Variants in SGCD observed in about 807,000 individuals in gnomAD.
SGCD encodes delta-sarcoglycan.
SGCD carries 18 observed loss-of-function variants against 36.6 expected under a neutral mutation model. The ratio of observed to expected loss-of-function variants is 0.49; its 90% confidence interval spans 0.34 to 0.73. The LOEUF (loss-of-function observed/expected upper bound fraction) is 0.73, where lower values mean the gene tolerates loss of function less well. Ranked by LOEUF, SGCD falls within the 30% of genes least tolerant of loss-of-function variation. SGCD has a pLI of 0.01. For missense variants in SGCD, 387 were observed against 346.7 expected (o/e 1.12, Z -0.92); for synonymous variants, 133 against 130.6 (o/e 1.02, Z -0.12).
At chr5:156,316,355 A>G (rs1767517763) in intron 3 of SGCD, among the ~76,000 whole-genome samples, 1 of 152,062 alleles carries the variant, frequency 6.6e-6, no homozygotes, top group Non-Finnish European at 1.5e-5. Context: ...AATTGGAAGA[A>G]TTAATATTGT....
chr5:156,461,972 T>G (rs1400567766), intron 3 of SGCD, among the ~76,000 whole-genome samples: 3 of 152,170 alleles, frequency 2.0e-5, no homozygotes, highest in Non-Finnish European at 4.4e-5. Context: ...TATTAGAGAT[T>G]TAGGCCAGAG....
chr5:155,949,719 C>T (rs528790288), intron 1 of SGCD, among the ~76,000 whole-genome samples: 35 of 152,230 alleles, frequency 2.3e-4, no homozygotes, highest in African/African-American at 7.7e-4. Flanking sequence ...TACTTGTTTT[C>T]GTATTGTCTA....
chr5:155,969,832 C>T (rs1757974602), intron 1 of SGCD, among the ~76,000 whole-genome samples: 1 of 152,094 alleles, frequency 6.6e-6, no homozygotes, highest in Non-Finnish European at 1.5e-5. Context: ...CACTGTCATC[C>T]ATGGTCCCCA....
At chr5:155,883,258 T>C (rs1755928488) in intron 1 of SGCD, among the ~76,000 whole-genome samples, 1 of 152,246 alleles carries the variant, frequency 6.6e-6, no homozygotes, top group African/African-American at 2.4e-5. Context: ...CATTCATGTG[T>C]TCACTGGAGG....
chr5:156,153,592 C>A (rs944079088), intron 3 of SGCD, among the ~76,000 whole-genome samples: 10 of 151,572 alleles, frequency 6.6e-5, no homozygotes, highest in African/African-American at 2.4e-4. Context: ...CTTATTTTGG[C>A]TGATAGTCTC....
At chr5:156,151,832 C>CA (rs1762842624) in intron 3 of SGCD, among the ~76,000 whole-genome samples, 1 of 149,426 alleles carries the variant, frequency 6.7e-6, no homozygotes, top group Non-Finnish European at 1.5e-5. Flanking sequence ...TCTTCTTCTT[C>CA]TTTTTTTTTT....
intron 4 of SGCD, among the ~76,000 whole-genome samples, chr5:156,513,509 T>C (rs146615862): frequency 6.6e-6 from 1 of 152,336 alleles, no homozygotes; most frequent in East Asian, 1.9e-4. Context: ...TTTTATGGGG[T>C]ATCACCTTCT....
intron 3 of SGCD, among the ~76,000 whole-genome samples, chr5:156,211,589 C>T (rs1452100257): frequency 7.4e-6 from 1 of 135,204 alleles, no homozygotes; most frequent in Non-Finnish European, 1.5e-5. Context: ...GCCTGGGCGA[C>T]AGAGCGAGAC....
chr5:156,750,700 A>G (rs888351082), intron 7 of SGCD, among the ~76,000 whole-genome samples: 1 of 152,118 alleles, frequency 6.6e-6, no homozygotes, highest in Admixed American at 6.6e-5. Flanking sequence ...CATAATTTAT[A>G]GTTGCAATGA....
intron 4 of SGCD, among the ~76,000 whole-genome samples, chr5:156,544,918 G>A (rs1052417401): frequency 2.6e-5 from 4 of 152,170 alleles, no homozygotes; most frequent in African/African-American, 9.7e-5. Context: ...CTTGCCTAAG[G>A]TTCCATAGCT....
intron 3 of SGCD, among the ~76,000 whole-genome samples, chr5:156,193,964 A>G (rs577534762): frequency 6.6e-6 from 1 of 152,332 alleles, no homozygotes; most frequent in East Asian, 1.9e-4. Context: ...AAGACCAGAG[A>G]TACTTTCAAT....
intron 7 of SGCD, among the ~76,000 whole-genome samples, chr5:156,737,051 C>T (rs182032596): frequency 6.6e-6 from 1 of 152,136 alleles, no homozygotes. Context: ...ATGGCTGGAC[C>T]AAAGATAGAA....
intron 3 of SGCD, among the ~76,000 whole-genome samples, chr5:156,213,664 G>T (rs953358131): frequency 1.1e-4 from 16 of 151,944 alleles, no homozygotes; most frequent in Non-Finnish European, 1.6e-4. Flanking sequence ...CCACTGTAAG[G>T]AAAATTTAAA....
At chr5:155,770,671 CT>C in the SGCD span, among the ~76,000 whole-genome samples, 5 of 152,224 alleles carry the variant, frequency 3.3e-5, no homozygotes, top group South Asian at 6.2e-4. Context: ...TGCTTTCCCC[CT>C]AGCACCTGTC....
chr5:155,949,068 A>G (rs1414635822), intron 1 of SGCD, among the ~76,000 whole-genome samples: 1 of 152,208 alleles, frequency 6.6e-6, no homozygotes, highest in Non-Finnish European at 1.5e-5. Context: ...TCAAAGAAAC[A>G]AAACACTCCT....
At chr5:156,497,623 T>TTCTC (rs375678272) in intron 3 of SGCD, among the ~76,000 whole-genome samples, 70 of 146,390 alleles carry the variant, frequency 4.8e-4, no homozygotes, top group Admixed American at 1.0e-3. Flanking sequence ...TGCGCGTGCT[T>TTCTC]TCTCTCTCTC....
chr5:156,590,435 G>A (rs537114747), intron 5 of SGCD, among the ~76,000 whole-genome samples: 1 of 152,120 alleles, frequency 6.6e-6, no homozygotes, highest in African/African-American at 2.4e-5. Flanking sequence ...TAAACATGTT[G>A]TTTCAGCGTG....
intron 1 of SGCD, among the ~76,000 whole-genome samples, chr5:156,069,026 C>G (rs929589164): frequency 1.3e-5 from 2 of 152,004 alleles, no homozygotes; most frequent in African/African-American, 2.4e-5. Context: ...GATATTAGCC[C>G]TTTGTCAGAT....
At chr5:156,564,702 A>G (rs986405442) in intron 4 of SGCD, among the ~76,000 whole-genome samples, 20 of 152,042 alleles carry the variant, frequency 1.3e-4, no homozygotes, top group African/African-American at 3.9e-4. Context: ...ATTTCTATGA[A>G]TGTGACCATT....
Sources: gnomAD v4.1 joint callset for allele counts (sites outside exome capture counted in the v4.1 genomes callset) on GRCh38, gnomAD v4.1.1 for gene constraint, MANE v1.5 for transcripts, NCBI Gene and HGNC (gene_info 2026-07-23, HGNC 2026-07-21) for gene names.